UNC13C: variants seen among roughly 807,000 people sequenced by gnomAD.
The protein encoded by UNC13C is protein unc-13 homolog C.
Under a neutral mutation model 245.4 loss-of-function variants are expected in UNC13C, and 174 were observed. The observed-to-expected ratio is 0.71, with a 90% CI of 0.63 to 0.80. The LOEUF (loss-of-function observed/expected upper bound fraction) is 0.80, where lower values mean the gene tolerates loss of function less well. Among genes scored for constraint, UNC13C ranks in the 30% least tolerant of loss-of-function variants. The pLI is 0.00. For synonymous variants in UNC13C, 992 were observed against 895.1 expected (o/e 1.11, Z -1.93); for missense variants, 2,829 against 2,602.9 (o/e 1.09, Z -1.89).
intron 8 of UNC13C, among the ~76,000 whole-genome samples, chr15:54,251,712 A>C (rs938581583): frequency 6.6e-6 from 1 of 152,208 alleles, no homozygotes; most frequent in Admixed American, 6.5e-5. Context: ...TCACATCTAA[A>C]TATTGTGCCC....
chr15:54,418,628 G>A (rs1380598779), intron 19 of UNC13C, among the ~76,000 whole-genome samples: 3 of 152,032 alleles, frequency 2.0e-5, no homozygotes, highest in Non-Finnish European at 2.9e-5. Flanking sequence ...ATCACAATAA[G>A]GAAATAAACA....
chr15:54,495,225 T>C (rs1175880479), intron 20 of UNC13C, among the ~76,000 whole-genome samples: 1 of 152,050 alleles, frequency 6.6e-6, no homozygotes, highest in Non-Finnish European at 1.5e-5. Context: ...TAATTTGCAT[T>C]TGATATGTAT....
chr15:53,870,469 T>C, the UNC13C span, among the ~76,000 whole-genome samples: 1 of 137,998 alleles, frequency 7.2e-6, no homozygotes, highest in Non-Finnish European at 1.6e-5. Flanking sequence ...TCCTGGACCA[T>C]GTGGGTGAGT....
At chr15:54,235,813 G>A (rs554386233) in intron 5 of UNC13C, among the ~76,000 whole-genome samples, 1 of 152,116 alleles carries the variant, frequency 6.6e-6, no homozygotes, top group Admixed American at 6.5e-5. Flanking sequence ...TTGCGCCACT[G>A]CACTCCAGCC....
intron 10 of UNC13C, among the ~76,000 whole-genome samples, chr15:54,276,678 G>T (rs777885330): frequency 6.6e-6 from 1 of 151,966 alleles, no homozygotes; most frequent in African/African-American, 2.4e-5. Flanking sequence ...TTTTTTATAC[G>T]TTACTCATTG....
In UNC13C at chr15:54,627,057, G is replaced by T; in HGVS notation, c.6589G>T (p.Ala2197Ser). Residue 2197 changes from alanine to serine, a missense_variant, in exon 33 of 33, where the codon GCT (alanine) becomes TCT (serine). Physicochemically the swap from Ala to Ser is moderately conservative, Grantham distance 99. Coordinates refer to ENST00000260323, the MANE Select transcript of UNC13C (RefSeq NM_001080534.3). ...ILSQRTSDDVAKEFVRLKSET... is the reference protein window; with the variant it reads ...ILSQRTSDDVSKEFVRLKSET... Reference sequence around the variant, plus strand: ...CTCTCAGAGGACCAGTGATGATGTGGCTAAAGAATTTGTAAGACTTAAATC... The same window carrying T: ...CTCTCAGAGGACCAGTGATGATGTGTCTAAAGAATTTGTAAGACTTAAATC... The T allele has an allele frequency of 6.2e-7, 1 of 1,613,044 alleles. No homozygotes were observed. The highest frequency in any genetic ancestry group is 2.2e-5 in the East Asian group (1 of 44,834).
rs111514438 is a variant in UNC13C at position 54,498,006 on chromosome 15, T to C, written c.5061-2073T>C. 3.2e-3 allele frequency among the ~76,000 whole-genome samples: 485 copies of C among 152,170 alleles called. 2 individuals carry two copies. The highest frequency in any genetic ancestry group is 0.011 in the African/African-American group (460 of 41,516). On this transcript the variant is annotated intron_variant, in intron 20 of 32. Coordinates refer to ENST00000260323, the MANE Select transcript of UNC13C (RefSeq NM_001080534.3). ...ACCAGACAACAGGACTAAATAACTA[T>C]CTGGAGATTATGCTTCTTCAGCAAT...
At chr15:53,975,466 G>C (rs968487538), upstream of UNC13C, among the ~76,000 whole-genome samples, 1 of 152,100 alleles carries the variant, frequency 6.6e-6, no homozygotes, top group African/African-American at 2.4e-5. Flanking sequence ...TAATAGTGAG[G>C]TTCAATGGTT....
the UNC13C span, among the ~76,000 whole-genome samples, chr15:53,931,427 C>T: frequency 3.9e-3 from 587 of 152,238 alleles, 8 homozygotes; most frequent in African/African-American, 0.013. Context: ...TCTCGACTTC[C>T]CAGAGTGCTG....
In UNC13C at chr15:54,250,251, G is replaced by T; in HGVS notation, c.3255G>T (p.Leu1085Phe). ...ELKMHVFKKT[L>F]QALIYPMSST... ...AAATGCACGTCTTCAAGAAGACCTTGCAGGCACTGATCTACCCTATGTCTT... is the reference window on the plus strand; with the variant it reads ...AAATGCACGTCTTCAAGAAGACCTTTCAGGCACTGATCTACCCTATGTCTT... Residue 1085 changes from leucine to phenylalanine, a missense_variant, in exon 8 of 33, where the codon TTG becomes TTT. Transcript: ENST00000260323. 6.2e-7 allele frequency: 1 copy of T among 1,613,970 alleles called. No individual in the cohort carries two copies. The highest frequency in any genetic ancestry group is 8.5e-7 in the Non-Finnish European group (1 of 1,179,884).
chr15:54,139,044 C>G (rs572516967), intron 2 of UNC13C, among the ~76,000 whole-genome samples: 1 of 137,480 alleles, frequency 7.3e-6, no homozygotes, highest in Non-Finnish European at 1.5e-5. Flanking sequence ...ACTGCAACCT[C>G]CGCCTCCTGT....
chr15:54,386,233 T>C (rs543664171), intron 17 of UNC13C, among the ~76,000 whole-genome samples: 1 of 152,330 alleles, frequency 6.6e-6, no homozygotes, highest in South Asian at 2.1e-4. Flanking sequence ...TTTACTTATC[T>C]CTAAAATGAT....
chr15:54,194,334 G>A (rs1161677314), intron 4 of UNC13C, among the ~76,000 whole-genome samples: 22 of 152,060 alleles, frequency 1.4e-4, no homozygotes, highest in Admixed American at 1.4e-3. Context: ...TGCACCCTTA[G>A]CTGAAGGAGT....
intron 2 of UNC13C, among the ~76,000 whole-genome samples, chr15:54,022,507 A>G (rs1686584593): frequency 6.6e-6 from 1 of 152,142 alleles, no homozygotes; most frequent in Non-Finnish European, 1.5e-5. Context: ...TCCCTGAGAT[A>G]CTGAGCATTG....
chr15:54,071,855 C>A (rs1898344357), intron 2 of UNC13C, among the ~76,000 whole-genome samples: 1 of 152,062 alleles, frequency 6.6e-6, no homozygotes, highest in Admixed American at 6.6e-5. Flanking sequence ...TAATCTTGTG[C>A]CTTTAAAGGA....
chr15:53,853,381 A>G, the UNC13C span, among the ~76,000 whole-genome samples: 1 of 152,040 alleles, frequency 6.6e-6, no homozygotes, highest in Non-Finnish European at 1.5e-5. Flanking sequence ...TATGCACCAC[A>G]TTTTCTTTAT....
intron 4 of UNC13C, among the ~76,000 whole-genome samples, chr15:54,192,362 T>A (rs1378466641): frequency 6.6e-6 from 1 of 152,120 alleles, no homozygotes; most frequent in Non-Finnish European, 1.5e-5. Flanking sequence ...GGGTTTTTCT[T>A]GTGTCATCTA....
intron 22 of UNC13C, among the ~76,000 whole-genome samples, chr15:54,502,798 AT>A (rs547085172): frequency 3.3e-5 from 5 of 152,234 alleles, no homozygotes; most frequent in African/African-American, 1.2e-4. Flanking sequence ...AGTAACTAGA[AT>A]TCACCCTCAG....
chr15:54,157,140 G>C (rs560814068), intron 4 of UNC13C, among the ~76,000 whole-genome samples: 27 of 152,322 alleles, frequency 1.8e-4, no homozygotes, highest in African/African-American at 6.3e-4. Flanking sequence ...CTAAGTGAAG[G>C]TGAATAATGT....
Sources: allele counts gnomAD v4.1 joint callset (sites outside exome capture counted in the v4.1 genomes callset), GRCh38; gene constraint gnomAD v4.1.1; transcripts MANE v1.5; gene names NCBI Gene and HGNC (gene_info 2026-07-23, HGNC 2026-07-21).